Variants in RRN3 observed in about 807,000 individuals in gnomAD.
RRN3 encodes the protein RNA polymerase I transcription factor RRN3.
In RRN3, 38 loss-of-function variants were observed where a neutral mutation model predicts 82.3. The ratio of observed to expected loss-of-function variants is 0.46; its 90% CI spans 0.36 to 0.61. The LOEUF is 0.61. RRN3 is among the 20% of genes least tolerant of loss of function. The pLI, the probability that RRN3 is intolerant of heterozygous loss-of-function variation, is 0.00. For synonymous variants in RRN3, 284 were observed against 284.3 expected, an observed-to-expected ratio of 1.00 and a Z score of 0.01; for missense variants, 726 against 793.1, an observed-to-expected ratio of 0.92 and a Z score of 1.02.
intron 9 of RRN3, among the ~76,000 whole-genome samples, chr16:15,079,686 G>A (rs12917987): frequency 0.64 from 97,224 of 151,544 alleles, 32,966 homozygotes; most frequent in Non-Finnish European, 0.74. Flanking sequence ...TCTGCCTCCC[G>A]GATTCAAGCA....
At chr16:15,069,346 A>AG in intron 14 of RRN3, among the ~76,000 whole-genome samples, 1 of 152,326 alleles carries the variant, frequency 6.6e-6, no homozygotes, top group Non-Finnish European at 1.5e-5. Flanking sequence ...CAGGGTTCAG[A>AG]GACCCCGGTT....
chr16:15,065,302 C>A lies in RRN3; in HGVS notation c.1623G>T (p.Arg541Ser). The A allele has an allele frequency of 6.2e-7, 1 of 1,613,854 alleles. No homozygotes were observed. Among genetic ancestry groups the A allele is most frequent in the Non-Finnish European group, 8.5e-7 (1 of 1,179,778 alleles). The part of the protein sequence containing the change: ...RNNRQMLPVI[R>S]STAGGDSVQI... The stretch of plus-strand genomic sequence containing the variant: ...GCACTGAGTCTCCTCCAGCGGTACT[C>A]CTAATGACTGGCAGCATCTGGCGAT... The change falls in exon 16 of 18, where the codon AGG becomes AGT. Residue 541 changes from arginine (R) to serine (S), a missense_variant. Coordinates refer to ENST00000198767, the MANE Select transcript of RRN3 (RefSeq NM_018427.5).
At chr16:15,082,201 T>C (rs1422218989) in intron 8 of RRN3, among the ~76,000 whole-genome samples, 1 of 152,200 alleles carries the variant, frequency 6.6e-6, no homozygotes, top group East Asian at 1.9e-4. Context: ...CCAATGAATA[T>C]GATGTTAGCT....
chr16:15,077,073 A>G (rs1597936040), intron 9 of RRN3, among the ~76,000 whole-genome samples: 1 of 149,028 alleles, frequency 6.7e-6, no homozygotes, highest in Admixed American at 6.8e-5. Flanking sequence ...TCCGCCCCCC[A>G]GGTTCAAGAG....
chr16:15,067,254 C>T (rs2045019123), intron 15 of RRN3, among the ~76,000 whole-genome samples: 2 of 151,550 alleles, frequency 1.3e-5, no homozygotes, highest in Non-Finnish European at 2.9e-5. Context: ...TAAATATCCT[C>T]ATTGAATATT....
intron 8 of RRN3, among the ~76,000 whole-genome samples, chr16:15,082,462 CAGG>C (rs1397109564): frequency 1.3e-5 from 2 of 152,042 alleles, no homozygotes; most frequent in Non-Finnish European, 1.5e-5. Context: ...CGCTTGAGGT[CAGG>C]AGTTCAAGAC....
Position 15,061,773 on chromosome 16 carries a change from C to G in RRN3, c.1927G>C (p.Val643Leu), listed in dbSNP as rs145434552. 21 of 1,613,776 alleles carry G rather than the reference C, an allele frequency of 1.3e-5. No homozygotes were observed. Among genetic ancestry groups the G allele is most frequent in the Non-Finnish European group, 5.1e-6 (6 of 1,179,784 alleles). ...AGGGGACTGGGTTGCATGTACAACA[C>G]GGGTGGGGAGCCCACACTACTTGAA... ...SPSSSVGSPP[V>L]LYMQPSPL Residue 643 changes from valine (V) to leucine (L), a missense_variant, in exon 18 of 18, where the codon GTG (valine) becomes CTG (leucine). By Grantham distance (32) the Val-to-Leu change is conservative. Coordinates refer to ENST00000198767, the MANE Select transcript of RRN3 (RefSeq NM_018427.5).
intron 13 of RRN3, 35 bp from the exon 14 acceptor site, chr16:15,070,289 A>T (rs3907878): frequency 0.014 from 21,465 of 1,563,708 alleles, 634 homozygotes; most frequent in African/African-American, 0.078. Flanking sequence ...AACTTTACAC[A>T]TCATAAAAAA....
Position 15,076,015 on chromosome 16 carries a change from A to C in RRN3, c.858+543T>G, listed in dbSNP as rs548101696. On this transcript the variant is annotated intron_variant, in intron 10 of 17. Transcript: ENST00000198767. ...ATCTCCTTGGTCTCAAGCTGGGAACAAACTCTGTAGACCAATCCATGCCCC... is the reference window on the plus strand; with the variant it reads ...ATCTCCTTGGTCTCAAGCTGGGAACCAACTCTGTAGACCAATCCATGCCCC... Among the ~76,000 whole-genome samples the C allele has an allele frequency of 3.9e-5, 6 of 152,258 alleles. No individual in the cohort carries two copies. In the South Asian group the frequency reaches 1.2e-3, roughly 32 times the overall value.
Position 15,060,159 on chromosome 16 carries a change from C to G in RRN3, c.*1585G>C. Reference sequence around the variant, plus strand: ...ATTAAACAGACTTATATGTAAATGTCTTTCTACATTAAAACTACTTCCCAA... The same window carrying G: ...ATTAAACAGACTTATATGTAAATGTGTTTCTACATTAAAACTACTTCCCAA... On this transcript the variant is annotated 3_prime_UTR_variant, in exon 18 of 18. Coordinates refer to ENST00000198767, the MANE Select transcript of RRN3 (RefSeq NM_018427.5). 1 of 420,066 alleles carries G rather than the reference C, an allele frequency of 2.4e-6. No individual in the cohort carries two copies. The highest frequency in any genetic ancestry group is 4.7e-6 in the Non-Finnish European group (1 of 212,434). The allele number at this position is 420,066 out of a possible 1,614,324, so 26.0% of individuals were successfully genotyped here.
chr16:15,089,786 C>CAAAAAAAAAAA (rs142235345), intron 3 of RRN3, among the ~76,000 whole-genome samples: 4 of 66,574 alleles, frequency 6.0e-5, no homozygotes, highest in African/African-American at 1.4e-4. Context: ...GGCGACAGAG[C>CAAAAAAAAAAA]AAAAAAAAAA....
intron 13 of RRN3, 146 bp downstream of exon 13, chr16:15,070,975 G>C: frequency 1.7e-6 from 1 of 590,648 alleles, no homozygotes; most frequent in Non-Finnish European, 2.9e-6. Flanking sequence ...TCACCACTTA[G>C]AAATATAAAC....
intron 9 of RRN3, among the ~76,000 whole-genome samples, chr16:15,079,015 T>C (rs1229428729): frequency 1.3e-5 from 2 of 152,140 alleles, no homozygotes; most frequent in Non-Finnish European, 2.9e-5. Flanking sequence ...TTTCACCATG[T>C]TAGCCAGGAT....
At chr16:15,066,933 C>G (rs1230332641) in intron 15 of RRN3, among the ~76,000 whole-genome samples, 1 of 152,010 alleles carries the variant, frequency 6.6e-6, no homozygotes, top group Non-Finnish European at 1.5e-5. Context: ...GCCCCTGGAC[C>G]AGATGGTTCA....
At chr16:15,072,245 C>CAAAAAAAA (rs55852324) in intron 12 of RRN3, among the ~76,000 whole-genome samples, 1 of 133,468 alleles carries the variant, frequency 7.5e-6, no homozygotes, top group Admixed American at 7.4e-5. Flanking sequence ...TTTCCCCCAC[C>CAAAAAAAA]AAAAAAAAAA....
rs368624694 is a variant in RRN3 at position 15,074,683 on chromosome 16, C to T, written c.997+40G>A. On this transcript the variant is annotated intron_variant, in intron 11 of 17. Coordinates refer to ENST00000198767, the MANE Select transcript of RRN3 (RefSeq NM_018427.5). ...AAAATGCCCAGCACAAAGCCAGGTA[C>T]ACTGCAGGTGTTCAATAAACAGTAG... 12 of 1,529,724 alleles carry T rather than the reference C, an allele frequency of 7.8e-6. No homozygotes were observed. The African/African-American group carries it at 1.4e-4, about 18-fold the overall frequency. The allele number at this position is 1,529,724 out of a possible 1,614,324, so 94.8% of individuals were successfully genotyped here.
At chr16:15,084,834 G>A in intron 6 of RRN3, 129 bp from the exon 7 acceptor site, 1 of 686,310 alleles carries the variant, frequency 1.5e-6, no homozygotes, top group East Asian at 2.9e-5. Flanking sequence ...GGGAGGCCGA[G>A]GTGGGTGGAT....
At chr16:15,078,301 C>T in intron 9 of RRN3, among the ~76,000 whole-genome samples, 1 of 152,088 alleles carries the variant, frequency 6.6e-6, no homozygotes. Flanking sequence ...AGCTCCTCTC[C>T]CCTCAGTCCA....
intron 3 of RRN3, among the ~76,000 whole-genome samples, chr16:15,087,150 C>G (rs2045942066): frequency 6.6e-6 from 1 of 151,914 alleles, no homozygotes; most frequent in Non-Finnish European, 1.5e-5. Flanking sequence ...GGAAAAAAAC[C>G]ATTAAGAAAA....
Sources: allele counts gnomAD v4.1 joint callset (sites outside exome capture counted in the v4.1 genomes callset), GRCh38; gene constraint gnomAD v4.1.1; transcripts MANE v1.5; gene names NCBI Gene and HGNC (gene_info 2026-07-23, HGNC 2026-07-21).